MOXD1: variants seen among roughly 807,000 people sequenced by gnomAD.
The protein encoded by MOXD1 is DBH-like monooxygenase protein 1.
A neutral mutation model predicts 66.6 loss-of-function variants in MOXD1; 62 were observed. The observed-to-expected ratio is 0.93, with a 90% CI of 0.76 to 1.15. The LOEUF (loss-of-function observed/expected upper bound fraction) is 1.15, where lower values mean the gene tolerates loss of function less well. MOXD1 is among the 50% of genes most tolerant of loss of function. MOXD1 has a pLI of 0.00. For synonymous variants in MOXD1, 303 were observed against 281.9 expected, an observed-to-expected ratio of 1.07 and a Z score of -0.75; for missense variants, 847 against 754.6, an observed-to-expected ratio of 1.12 and a Z score of -1.44.
chr6:132,395,664 A>G (rs1776855385), intron 1 of MOXD1, among the ~76,000 whole-genome samples: 1 of 152,184 alleles, frequency 6.6e-6, no homozygotes, highest in Admixed American at 6.5e-5. Context: ...ATACTAACTG[A>G]AATTAAAGGA....
At chr6:132,371,694 A>G (rs1776265474) in intron 4 of MOXD1, among the ~76,000 whole-genome samples, 1 of 152,278 alleles carries the variant, frequency 6.6e-6, no homozygotes, top group East Asian at 1.9e-4. Flanking sequence ...ACCTGAGAGC[A>G]CATAGTTTAA....
At chr6:132,344,056 T>C (rs1234213480) in intron 4 of MOXD1, among the ~76,000 whole-genome samples, 1 of 152,224 alleles carries the variant, frequency 6.6e-6, no homozygotes, top group Non-Finnish European at 1.5e-5. Context: ...TGATTTCATA[T>C]GTATAGACAA....
chr6:132,401,241 G>A lies in MOXD1; in HGVS notation c.186C>T (p.Phe62=). The A allele has an allele frequency of 6.3e-7, 1 of 1,590,790 alleles. No homozygotes were observed. The highest frequency in any genetic ancestry group is 1.3e-5 in the African/African-American group (1 of 74,280). Residue 62 remains phenylalanine (F), a synonymous_variant, in exon 1 of 12, where the codon TTC becomes TTT. Coordinates refer to ENST00000367963, the MANE Select transcript of MOXD1 (RefSeq NM_015529.4). ...CCATGGCCCCGGTGGGCGAGAAGCC[G>A]AAGCCCACGTAGCCTGCAGTGCGCA... is the stretch of plus-strand genomic sequence containing the variant. ...LQVRTAGYVG[F]GFSPTGAMAS...
chr6:132,345,567 TA>T (rs1775652572), intron 4 of MOXD1, among the ~76,000 whole-genome samples: 1 of 152,238 alleles, frequency 6.6e-6, no homozygotes, highest in African/African-American at 2.4e-5. Flanking sequence ...ATTCATTTTA[TA>T]TTTGTGGTAA....
intron 4 of MOXD1, among the ~76,000 whole-genome samples, chr6:132,363,150 A>G (rs1405845379): frequency 6.6e-6 from 1 of 152,010 alleles, no homozygotes; most frequent in African/African-American, 2.4e-5. Context: ...AGTCCAGCAG[A>G]ATATAGTATT....
intron 1 of MOXD1, among the ~76,000 whole-genome samples, chr6:132,399,826 T>C (rs1776980569): frequency 6.6e-6 from 1 of 152,228 alleles, no homozygotes; most frequent in African/African-American, 2.4e-5. Context: ...GTCTACTTTA[T>C]ATTACAGGAG....
intron 8 of MOXD1, among the ~76,000 whole-genome samples, chr6:132,321,745 T>C (rs531873356): frequency 1.3e-5 from 2 of 152,302 alleles, no homozygotes; most frequent in South Asian, 2.1e-4. Flanking sequence ...GACATCATAA[T>C]AAAATAGAGT....
chr6:132,343,385 G>T lies in MOXD1; in HGVS notation c.664-14791C>A, dbSNP rs368688271. On this transcript the variant is annotated intron_variant, in intron 4 of 11. Coordinates refer to ENST00000367963, the MANE Select transcript of MOXD1 (RefSeq NM_015529.4). Reference sequence around the variant, plus strand: ...AGGTTGGGAGTTCAAGACCAGCCTGGCTAACATGGTGAAACCCCGTTTCTA... The same window carrying T: ...AGGTTGGGAGTTCAAGACCAGCCTGTCTAACATGGTGAAACCCCGTTTCTA... Among the ~76,000 whole-genome samples the T allele has an allele frequency of 1.8e-3, 273 of 152,226 alleles. 6 individuals are homozygous for T. The highest frequency in any genetic ancestry group is 7.6e-4 in the Non-Finnish European group (52 of 68,002).
intron 4 of MOXD1, among the ~76,000 whole-genome samples, chr6:132,359,253 G>A (rs1775965961): frequency 6.6e-6 from 1 of 151,724 alleles, no homozygotes; most frequent in East Asian, 1.9e-4. Flanking sequence ...CCAACTAGCT[G>A]GTACCAGCTA....
intron 1 of MOXD1, among the ~76,000 whole-genome samples, chr6:132,396,201 C>A (rs1011237914): frequency 6.6e-6 from 1 of 151,908 alleles, no homozygotes; most frequent in Non-Finnish European, 1.5e-5. Context: ...CTTCTCAGAC[C>A]ACAATGAAAT....
intron 8 of MOXD1, 65 bp downstream of exon 8, chr6:132,322,613 AC>A (rs1457075178): frequency 6.7e-7 from 1 of 1,493,486 alleles, no homozygotes; most frequent in Non-Finnish European, 9.0e-7. Flanking sequence ...AAACCTTGCC[AC>A]ATCTCAGCAG....
In MOXD1 at chr6:132,349,410, T is replaced by TATATATACATATATATAC; in HGVS notation, c.664-20817_664-20816insGTATATATATGTATATAT. Among the ~76,000 whole-genome samples the TATATATACATATATATAC allele has an allele frequency of 9.7e-5, 8 of 82,650 alleles. 2 individuals are homozygous for TATATATACATATATATAC. Among genetic ancestry groups the TATATATACATATATATAC allele is most frequent in the African/African-American group, 5.9e-4 (8 of 13,458 alleles). The allele number at this position is 82,650 out of a possible 152,430, so 54.2% of individuals were successfully genotyped here. On this transcript the variant is annotated intron_variant, in intron 4 of 11. Transcript: ENST00000367963. ...ATATATATACACATATATATACATA[T>TATATATACATATATATAC]ATATATATATACATATATATATATA...
intron 10 of MOXD1, among the ~76,000 whole-genome samples, chr6:132,310,595 C>A (rs9493280): frequency 0.019 from 2,909 of 152,160 alleles, 91 homozygotes; most frequent in African/African-American, 0.067. Flanking sequence ...TGGAACCAAC[C>A]CAAATGCCCA....
In MOXD1 at chr6:132,297,221, C is replaced by A; in HGVS notation, c.1774G>T (p.Asp592Tyr). ...CAAACAAGCAAGTTGATGGAGAAAT[C>A]TCTGTGCAGGGAAGAGGAAGAAGAC... ...GTSSSSSLHR[D>Y]FSINLLVCLL... is the part of the protein sequence containing the mutation. Residue 592 changes from aspartate to tyrosine, a missense_variant, in exon 12 of 12, where the codon GAT (aspartate) becomes TAT (tyrosine). Physicochemically the swap from Asp to Tyr is radical, Grantham distance 160. Transcript: ENST00000367963. 1 of 1,613,666 alleles carries A rather than the reference C, an allele frequency of 6.2e-7. No individual in the cohort carries two copies. Among genetic ancestry groups the A allele is most frequent in the Non-Finnish European group, 8.5e-7 (1 of 1,179,720 alleles).
At chr6:132,309,563 G>A (rs1774776844) in intron 10 of MOXD1, among the ~76,000 whole-genome samples, 1 of 152,214 alleles carries the variant, frequency 6.6e-6, no homozygotes, top group East Asian at 1.9e-4. Flanking sequence ...GTATAGCTAA[G>A]ACAATCCTAA....
intron 2 of MOXD1, among the ~76,000 whole-genome samples, 195 bp downstream of exon 2, chr6:132,374,435 AT>A (rs1471783221): frequency 6.6e-6 from 1 of 152,184 alleles, no homozygotes; most frequent in African/African-American, 2.4e-5. Flanking sequence ...TTTTATTGAA[AT>A]TTTTGGTCTT....
chr6:132,369,076 T>C (rs1562294977), intron 4 of MOXD1, among the ~76,000 whole-genome samples: 1 of 152,104 alleles, frequency 6.6e-6, no homozygotes, highest in Admixed American at 6.6e-5. Flanking sequence ...ATACAATCCC[T>C]ACATAATGAG....
At chr6:132,356,045 A>T (rs1775903692) in intron 4 of MOXD1, among the ~76,000 whole-genome samples, 2 of 152,188 alleles carry the variant, frequency 1.3e-5, no homozygotes, top group Non-Finnish European at 2.9e-5. Context: ...ATTAGTAAAG[A>T]GTGATTTAAG....
rs1296137966 is a variant in MOXD1, at chr6:132,366,508, T to C, written c.663+6100A>G. ...ATGCTGTTTCCATCGGGGGAAAAAC[T>C]GCATCAATTAAAATATGTCTTGAAA... On this transcript the variant is annotated intron_variant, in intron 4 of 11. Transcript: ENST00000367963. Among the ~76,000 whole-genome samples the C allele has an allele frequency of 5.3e-5, 8 of 151,460 alleles. No individual in the cohort carries two copies. In the East Asian group the frequency reaches 1.2e-3, roughly 22 times the overall value.
Sources: gnomAD v4.1 joint callset for allele counts (sites outside exome capture counted in the v4.1 genomes callset) on GRCh38, gnomAD v4.1.1 for gene constraint, MANE v1.5 for transcripts, NCBI Gene and HGNC (gene_info 2026-07-23, HGNC 2026-07-21) for gene names.